The following GPHN variants were observed in gnomAD, a reference collection of about 807,000 sequenced individuals.
The protein encoded by GPHN is gephyrin.
GPHN carries 17 observed loss-of-function variants against 95.5 expected under a neutral mutation model. The ratio of observed to expected loss-of-function variants is 0.18; its 90% CI spans 0.12 to 0.27. The LOEUF is 0.27. Among genes scored for constraint, GPHN ranks in the 10% least tolerant of loss-of-function variants. The pLI is 1.00. For synonymous variants in GPHN, 320 were observed against 322.5 expected, an observed-to-expected ratio of 0.99 and a Z score of 0.08; for missense variants, 660 against 978.1, an observed-to-expected ratio of 0.67 and a Z score of 4.34.
At chr14:66,772,827 A>G (rs1177958358) in intron 2 of GPHN, among the ~76,000 whole-genome samples, 1 of 152,218 alleles carries the variant, frequency 6.6e-6, no homozygotes, top group Non-Finnish European at 1.5e-5. Flanking sequence ...AATAACGTAT[A>G]CTTTCAAATA....
At chr14:67,526,285 G>A in the GPHN span, among the ~76,000 whole-genome samples, 5 of 152,062 alleles carry the variant, frequency 3.3e-5, no homozygotes, top group South Asian at 8.3e-4. Context: ...CTGTAGCAGA[G>A]CAAAAAGGAT....
At chr14:67,162,581 C>T (rs969124885) in intron 19 of GPHN, among the ~76,000 whole-genome samples, 1 of 152,180 alleles carries the variant, frequency 6.6e-6, no homozygotes, top group African/African-American at 2.4e-5. Flanking sequence ...GTTTTTATTG[C>T]GTCATCTACA....
intron 10 of GPHN, among the ~76,000 whole-genome samples, chr14:67,027,940 A>G (rs901380721): frequency 2.0e-5 from 3 of 152,182 alleles, no homozygotes; most frequent in African/African-American, 7.2e-5. Context: ...GATGTTAACT[A>G]TAGTCACCCT....
chr14:67,709,265 A>C, the GPHN span, among the ~76,000 whole-genome samples: 1 of 152,236 alleles, frequency 6.6e-6, no homozygotes, highest in African/African-American at 2.4e-5. Context: ...GGATTTCCCC[A>C]AAAAAGGTGA....
At chr14:67,619,595 G>T in the GPHN span, among the ~76,000 whole-genome samples, 2 of 152,254 alleles carry the variant, frequency 1.3e-5, no homozygotes, top group African/African-American at 4.8e-5. Context: ...CCTGCGTTCC[G>T]CCAAGTTCAG....
the GPHN span, chr14:67,651,694 AC>A: frequency 2.4e-6 from 1 of 408,428 alleles, no homozygotes; most frequent in Non-Finnish European, 4.3e-6. Context: ...GACAATAAAA[AC>A]CAAAGCATAA....
chr14:66,837,282 A>C (rs1364103774), intron 4 of GPHN, among the ~76,000 whole-genome samples: 2 of 151,678 alleles, frequency 1.3e-5, no homozygotes, highest in Admixed American at 6.6e-5. Flanking sequence ...TGATGAGTTC[A>C]TGTCCTTTGT....
chr14:67,656,623 T>C, the GPHN span: 16 of 1,574,124 alleles, frequency 1.0e-5, no homozygotes, highest in East Asian at 2.3e-5. Flanking sequence ...TGTTAGACTT[T>C]TTCCATTATA....
chr14:67,638,292 G>C, the GPHN span, among the ~76,000 whole-genome samples: 5 of 152,008 alleles, frequency 3.3e-5, no homozygotes, highest in African/African-American at 9.7e-5. Context: ...AGAAGGCCAT[G>C]ATGGGAGCAT....
chr14:67,360,040 C>T, the GPHN span: 328 of 461,678 alleles, frequency 7.1e-4, 1 homozygote, highest in African/African-American at 6.2e-3. Context: ...AGGAGCGAAG[C>T]GTGCACGCCT....
At chr14:67,222,083 A>G in the GPHN span, 1 of 377,152 alleles carries the variant, frequency 2.7e-6, no homozygotes, top group Admixed American at 4.4e-5. Flanking sequence ...AGTTCCCTGT[A>G]TCTAAATCAT....
intron 20 of GPHN, among the ~76,000 whole-genome samples, chr14:67,167,798 T>C (rs1296304511): frequency 1.3e-5 from 2 of 152,212 alleles, no homozygotes; most frequent in African/African-American, 4.8e-5. Context: ...TTTCATTTCA[T>C]AGATGAGTAA....
the GPHN span, chr14:67,685,269 GA>G: frequency 3.0e-6 from 4 of 1,339,398 alleles, no homozygotes; most frequent in Non-Finnish European, 4.1e-6. Flanking sequence ...GCCCAAAACA[GA>G]AAAGGATGTA....
intron 2 of GPHN, among the ~76,000 whole-genome samples, chr14:66,685,712 A>G (rs1391608732): frequency 1.3e-5 from 2 of 151,946 alleles, no homozygotes; most frequent in African/African-American, 2.4e-5. Flanking sequence ...GTTCACTCTG[A>G]TGGTAGTTTC....
At chr14:66,580,320 C>T (rs1421109847) in intron 1 of GPHN, among the ~76,000 whole-genome samples, 1 of 151,532 alleles carries the variant, frequency 6.6e-6, no homozygotes, top group Non-Finnish European at 1.5e-5. Context: ...ACACACTAAG[C>T]CCATAGTTAG....
intron 3 of GPHN, among the ~76,000 whole-genome samples, chr14:66,808,236 C>G (rs1024460969): frequency 5.8e-4 from 88 of 152,040 alleles, no homozygotes; most frequent in African/African-American, 2.1e-3. Flanking sequence ...GATTACTTGT[C>G]TTTTTCTTAT....
chr14:66,699,303 A>G (rs1035744283), intron 2 of GPHN, among the ~76,000 whole-genome samples: 12 of 152,146 alleles, frequency 7.9e-5, no homozygotes, highest in Non-Finnish European at 2.9e-5. Flanking sequence ...ATACATATGT[A>G]ACAAACCTGC....
At chr14:66,867,465 A>G (rs889029008) in intron 4 of GPHN, among the ~76,000 whole-genome samples, 1 of 152,158 alleles carries the variant, frequency 6.6e-6, no homozygotes, top group Non-Finnish European at 1.5e-5. Flanking sequence ...TAGATTTATA[A>G]CAAGTACTCC....
At chr14:67,606,867 C>T in the GPHN span, among the ~76,000 whole-genome samples, 5 of 152,216 alleles carry the variant, frequency 3.3e-5, no homozygotes, top group Middle Eastern at 3.4e-3. Flanking sequence ...AGGATAGTCT[C>T]GATCTCTTGA....
Sources: allele counts gnomAD v4.1 joint callset (sites outside exome capture counted in the v4.1 genomes callset), GRCh38; gene constraint gnomAD v4.1.1; transcripts MANE v1.5; gene names NCBI Gene and HGNC (gene_info 2026-07-23, HGNC 2026-07-21).